The following CNTNAP4 variants were observed in gnomAD, a reference collection of about 807,000 sequenced individuals.
CNTNAP4 encodes the protein contactin associated protein family member 4.
CNTNAP4 carries 98 observed loss-of-function variants against 148.4 expected under a neutral mutation model. The observed-to-expected ratio is 0.66, with a 90% CI of 0.56 to 0.78. The LOEUF is 0.78. Among genes scored for constraint, CNTNAP4 ranks in the 30% least tolerant of loss-of-function variants. The pLI is 0.00. For synonymous variants in CNTNAP4, 730 were observed against 565.1 expected (o/e 1.29, Z -4.14); for missense variants, 1,935 against 1,565.6 (o/e 1.24, Z -3.98).
intron 2 of CNTNAP4, among the ~76,000 whole-genome samples, chr16:76,352,421 C>T (rs1396455950): frequency 6.6e-6 from 1 of 152,140 alleles, no homozygotes; most frequent in Non-Finnish European, 1.5e-5. Context: ...TCCCTGATCT[C>T]CAGGAGCACC....
chr16:76,446,418 A>C (rs6564339), intron 4 of CNTNAP4, among the ~76,000 whole-genome samples: 94,245 of 151,964 alleles, frequency 0.62, 29,479 homozygotes, highest in South Asian at 0.71. Context: ...AAATGTAGAC[A>C]ATACCGTCAG....
intron 3 of CNTNAP4, among the ~76,000 whole-genome samples, chr16:76,400,680 T>C (rs1348164691): frequency 1.3e-5 from 2 of 152,238 alleles, no homozygotes; most frequent in African/African-American, 4.8e-5. Flanking sequence ...GGATTTTACA[T>C]TTAAATATTT....
At chr16:76,316,360 C>T (rs1330663086) in intron 1 of CNTNAP4, 53 bp from the exon 2 acceptor site, 10 of 1,173,784 alleles carry the variant, frequency 8.5e-6, no homozygotes, top group Non-Finnish European at 1.3e-5. Flanking sequence ...CTATTGATTC[C>T]ACGAAAGCCT....
At chr16:76,336,369 G>T (rs1964026040) in intron 2 of CNTNAP4, among the ~76,000 whole-genome samples, 1 of 152,160 alleles carries the variant, frequency 6.6e-6, no homozygotes, top group South Asian at 2.1e-4. Context: ...TTATCAAGTT[G>T]TTAGCTTGAA....
At chr16:76,548,193 C>T (rs1212825423) in intron 21 of CNTNAP4, among the ~76,000 whole-genome samples, 1 of 151,636 alleles carries the variant, frequency 6.6e-6, no homozygotes, top group Non-Finnish European at 1.5e-5. Flanking sequence ...TGCCATTTTA[C>T]TTTCCCACTA....
In CNTNAP4 at chr16:76,489,738, A is replaced by G. The variant is rs142968663; in HGVS notation, c.1935A>G (p.Arg645=). Residue 645 remains arginine (R), a synonymous_variant, in exon 13 of 24, where the codon AGA becomes AGG. Transcript: ENST00000611870. ...ACGGCTCTGACTTAACAAGAGTCAGAAATACTAATCCAGAGAACCCATATG... is the reference window on the plus strand; with the variant it reads ...ACGGCTCTGACTTAACAAGAGTCAGGAATACTAATCCAGAGAACCCATATG... ...QHNGSDLTRV[R]NTNPENPYAG... The G allele has an allele frequency of 1.2e-6, 2 of 1,605,380 alleles. No individual in the cohort carries two copies. The highest frequency in any genetic ancestry group is 1.7e-6 in the Non-Finnish European group (2 of 1,175,476).
intron 23 of CNTNAP4, 21 bp from the exon 24 acceptor site, chr16:76,558,469 A>G (rs540076660): frequency 2.1e-6 from 3 of 1,455,788 alleles, no homozygotes; most frequent in Admixed American, 3.7e-5. Context: ...TTCTGACTTT[A>G]TATTTCTTTT....
intron 3 of CNTNAP4, among the ~76,000 whole-genome samples, chr16:76,380,927 A>G (rs2015904610): frequency 6.6e-6 from 1 of 152,112 alleles, no homozygotes; most frequent in African/African-American, 2.4e-5. Flanking sequence ...ACTTTCTTTT[A>G]AGTTAGTTGT....
chr16:76,554,819 A>G (rs564014067), intron 23 of CNTNAP4, among the ~76,000 whole-genome samples: 1 of 152,162 alleles, frequency 6.6e-6, no homozygotes, highest in South Asian at 2.1e-4. Flanking sequence ...CTATTCAGTC[A>G]CAAACCCAGC....
At position 76,427,573 on chromosome 16, in the gene CNTNAP4, G is replaced by C; in HGVS notation, c.512G>C (p.Arg171Pro). 1 of 1,612,186 alleles carries C rather than the reference G, an allele frequency of 6.2e-7. No homozygotes were observed. Residue 171 changes from arginine to proline, a missense_variant, in exon 4 of 24, where the codon CGA becomes CCA. Physicochemically the swap from Arg to Pro is moderately radical, Grantham distance 103. Transcript: ENST00000611870. ...EWNPKGRIGMRIEVFGCAYRS... is the reference protein window; with the variant it reads ...EWNPKGRIGMPIEVFGCAYRS... ...AACCCCAAGGGCAGAATTGGAATGC[G>C]AATCGAAGTGTTCGGATGTGCATAC...
intron 11 of CNTNAP4, 101 bp downstream of exon 11, chr16:76,476,146 C>A: frequency 1.3e-6 from 1 of 742,776 alleles, no homozygotes; most frequent in South Asian, 1.8e-5. Flanking sequence ...TGTGCAAACT[C>A]AGCATCCAGT....
At chr16:76,304,637 C>T (rs1221453389) in intron 1 of CNTNAP4, among the ~76,000 whole-genome samples, 1 of 152,168 alleles carries the variant, frequency 6.6e-6, no homozygotes, top group Non-Finnish European at 1.5e-5. Flanking sequence ...CATGTGGACT[C>T]CATTGTTAAA....
chr16:76,326,964 TACA>T (rs978826630), intron 2 of CNTNAP4, among the ~76,000 whole-genome samples: 138 of 150,322 alleles, frequency 9.2e-4, no homozygotes, highest in African/African-American at 3.3e-3. Flanking sequence ...ATTTAAAAAA[TACA>T]AAAAAAAAAG....
chr16:76,388,452 T>C (rs1190044380), intron 3 of CNTNAP4, among the ~76,000 whole-genome samples: 1 of 152,212 alleles, frequency 6.6e-6, no homozygotes, highest in East Asian at 1.9e-4. Context: ...GAATATTGAG[T>C]AAATGGATTT....
chr16:76,511,123 C>T (rs2083009331), intron 15 of CNTNAP4, among the ~76,000 whole-genome samples: 1 of 152,176 alleles, frequency 6.6e-6, no homozygotes, highest in Admixed American at 6.5e-5. Flanking sequence ...CTCAGTCTCT[C>T]TATCTGAGCA....
chr16:76,504,071 G>A (rs973924124), intron 15 of CNTNAP4, among the ~76,000 whole-genome samples: 3 of 151,832 alleles, frequency 2.0e-5, no homozygotes, highest in Non-Finnish European at 4.4e-5. Context: ...TCTCTTTTTT[G>A]GGAGGGGAGT....
intron 3 of CNTNAP4, among the ~76,000 whole-genome samples, chr16:76,401,171 C>T (rs1261583190): frequency 6.6e-6 from 1 of 152,078 alleles, no homozygotes; most frequent in African/African-American, 2.4e-5. Flanking sequence ...TATCTATGAG[C>T]ATGGAATGTT....
chr16:76,538,412 C>T (rs2144270171), intron 19 of CNTNAP4, 72 bp downstream of exon 19: 8 of 1,148,102 alleles, frequency 7.0e-6, no homozygotes, highest in Non-Finnish European at 1.0e-5. Flanking sequence ...GGATCATTCT[C>T]GTGTTCTGGC....
intron 3 of CNTNAP4, among the ~76,000 whole-genome samples, chr16:76,358,213 A>G (rs760731499): frequency 6.6e-6 from 1 of 152,112 alleles, no homozygotes; most frequent in Admixed American, 6.5e-5. Flanking sequence ...ACATGTGCCT[A>G]TAATCCCAGC....
Sources: gnomAD v4.1 joint callset for allele counts (sites outside exome capture counted in the v4.1 genomes callset) on GRCh38, gnomAD v4.1.1 for gene constraint, MANE v1.5 for transcripts, NCBI Gene and HGNC (gene_info 2026-07-23, HGNC 2026-07-21) for gene names.